TXNDC12: variants seen among roughly 807,000 people sequenced by gnomAD.
The protein encoded by TXNDC12 is thioredoxin domain containing 12.
Under a neutral mutation model 24.2 loss-of-function variants are expected in TXNDC12, and 22 were observed. The observed-to-expected ratio is 0.91, with a 90% confidence interval of 0.65 to 1.30. TXNDC12 has a LOEUF of 1.30. Among genes scored for constraint, TXNDC12 ranks in the 50% most tolerant of loss-of-function variants. TXNDC12 has a pLI of 0.00. For missense variants in TXNDC12, 184 were observed against 205.8 expected (o/e 0.89, Z 0.65); for synonymous variants, 58 against 73.4 (o/e 0.79, Z 1.07).
chr1:52,040,859 C>T (rs1051722128), intron 2 of TXNDC12, among the ~76,000 whole-genome samples: 14 of 150,914 alleles, frequency 9.3e-5, no homozygotes, highest in African/African-American at 2.2e-4. Context: ...GGTGAAACCC[C>T]GTCTCTACTA....
chr1:52,032,524 C>T, intron 2 of TXNDC12: 1 of 1,383,528 alleles, frequency 7.2e-7, no homozygotes, highest in Non-Finnish European at 9.3e-7. Flanking sequence ...TGAACTTATG[C>T]TGTAAACCCA....
intron 6 of TXNDC12, among the ~76,000 whole-genome samples, chr1:52,022,635 GTTTT>G (rs1188645759): frequency 9.3e-5 from 11 of 118,586 alleles, no homozygotes; most frequent in South Asian, 5.7e-4. Flanking sequence ...GGTTTTTTTG[GTTTT>G]TTTTTTTTTT....
At chr1:52,037,535 T>C (rs1685907234) in intron 2 of TXNDC12, among the ~76,000 whole-genome samples, 1 of 152,094 alleles carries the variant, frequency 6.6e-6, no homozygotes, top group Non-Finnish European at 1.5e-5. Context: ...TAATTTGCCT[T>C]TGGTGCTGAA....
intron 1 of TXNDC12, among the ~76,000 whole-genome samples, chr1:52,045,718 C>A (rs1686078572): frequency 6.6e-6 from 1 of 152,122 alleles, no homozygotes; most frequent in African/African-American, 2.4e-5. Context: ...AAACTAGGGA[C>A]TTTGGTTAAT....
chr1:52,021,914 G>C (rs1685602225), intron 6 of TXNDC12, among the ~76,000 whole-genome samples: 1 of 152,182 alleles, frequency 6.6e-6, no homozygotes, highest in African/African-American at 2.4e-5. Flanking sequence ...ATTCAGGGAA[G>C]GGTCTCATGT....
intron 2 of TXNDC12, among the ~76,000 whole-genome samples, chr1:52,031,908 A>C (rs1297937591): frequency 1.3e-5 from 2 of 152,226 alleles, no homozygotes. Flanking sequence ...GCTTACAATG[A>C]TATTTGCCTT....
chr1:52,039,936 T>A (rs1218871138), intron 2 of TXNDC12, among the ~76,000 whole-genome samples: 1 of 151,986 alleles, frequency 6.6e-6, no homozygotes, highest in Non-Finnish European at 1.5e-5. Context: ...TTTTATTTTT[T>A]ATTTTTGTTT....
At position 52,020,425 on chromosome 1, in the gene TXNDC12, GA is replaced by G; in HGVS notation, c.*507del. ...ACAATTATTCCCAGGAGAAAAAAGGGAAAAAACAGGCTGATATCCTTGGTAG... is the reference window on the plus strand; with the variant it reads ...ACAATTATTCCCAGGAGAAAAAAGGGAAAAACAGGCTGATATCCTTGGTAG... On this transcript the variant is annotated 3_prime_UTR_variant, in exon 7 of 7. Transcript: ENST00000371626. The G allele has an allele frequency of 3.9e-6, 1 of 258,594 alleles. No homozygotes were observed. 16.0% of individuals were successfully genotyped at this position (258,594 alleles called of 1,614,324 possible). A position where few individuals can be genotyped will look rare whatever the true frequency, so the allele number is the denominator to read the frequency against.
intron 6 of TXNDC12, among the ~76,000 whole-genome samples, chr1:52,022,478 A>G (rs554196235): frequency 6.6e-6 from 1 of 152,154 alleles, no homozygotes; most frequent in East Asian, 1.9e-4. Context: ...TCTAAGGCTT[A>G]ATCCAGTCAT....
intron 1 of TXNDC12, among the ~76,000 whole-genome samples, chr1:52,045,092 T>G (rs1686066290): frequency 6.6e-6 from 1 of 151,370 alleles, no homozygotes; most frequent in African/African-American, 2.4e-5. Context: ...AGGAAAGGAG[T>G]AATCAAGCCA....
In TXNDC12 at chr1:52,055,142, G is replaced by T; in HGVS notation, c.-46C>A. ...ACGGGGCTGAGCGGACGCAGGGCCG[G>T]AGTCCCAGCAGACGGTCCACACAGT... On this transcript the variant is annotated 5_prime_UTR_variant, in exon 1 of 7. Transcript: ENST00000371626. The T allele has an allele frequency of 7.3e-7, 1 of 1,369,558 alleles. No individual in the cohort carries two copies. Among genetic ancestry groups the T allele is most frequent in the South Asian group, 1.2e-5 (1 of 85,902 alleles). 84.8% of individuals were successfully genotyped at this position (1,369,558 alleles called of 1,614,324 possible).
At chr1:52,049,693 T>C (rs1294780696) in intron 1 of TXNDC12, among the ~76,000 whole-genome samples, 26 of 151,776 alleles carry the variant, frequency 1.7e-4, no homozygotes, top group Non-Finnish European at 2.9e-5. Flanking sequence ...CACCACTTAT[T>C]AAGCAATTGC....
chr1:52,055,870 T>C (rs1381115284), upstream of TXNDC12: 1 of 152,210 alleles, frequency 6.6e-6, no homozygotes, highest in Non-Finnish European at 1.5e-5. Context: ...CAGGCTAAAG[T>C]GTAAAGCTTC....
intron 1 of TXNDC12, among the ~76,000 whole-genome samples, chr1:52,044,771 C>T (rs1229434513): frequency 1.3e-5 from 2 of 151,970 alleles, no homozygotes; most frequent in Non-Finnish European, 2.9e-5. Flanking sequence ...CTCAGGAGTT[C>T]GAGACCATCC....
intron 2 of TXNDC12, 134 bp downstream of exon 2, chr1:52,041,403 A>T: frequency 1.9e-6 from 1 of 532,104 alleles, no homozygotes; most frequent in Admixed American, 3.3e-5. Flanking sequence ...AGCCATTATT[A>T]TTGCTGTTGT....
At chr1:52,027,968 G>A (rs1685697981) in intron 3 of TXNDC12, among the ~76,000 whole-genome samples, 1 of 151,894 alleles carries the variant, frequency 6.6e-6, no homozygotes, top group Non-Finnish European at 1.5e-5. Flanking sequence ...TAGGATTACA[G>A]GCGCGTGCCA....
At chr1:52,033,645 A>C (rs776018129) in intron 2 of TXNDC12, 1 of 1,611,598 alleles carries the variant, frequency 6.2e-7, no homozygotes, top group Admixed American at 1.7e-5. Flanking sequence ...CGCCCAGGAC[A>C]GCTGCGTCGT....
chr1:52,039,815 T>C (rs1271206415), intron 2 of TXNDC12, among the ~76,000 whole-genome samples: 1 of 152,270 alleles, frequency 6.6e-6, no homozygotes. Context: ...TATGCAGTTA[T>C]GATTTAATAT....
chr1:52,054,107 G>T (rs1268018925), intron 1 of TXNDC12, among the ~76,000 whole-genome samples: 3 of 151,930 alleles, frequency 2.0e-5, no homozygotes, highest in Non-Finnish European at 4.4e-5. Context: ...CAGGCAAAAT[G>T]AATGCCCACC....
Sources: gnomAD v4.1 joint callset for allele counts (sites outside exome capture counted in the v4.1 genomes callset) on GRCh38, gnomAD v4.1.1 for gene constraint, MANE v1.5 for transcripts, NCBI Gene and HGNC (gene_info 2026-07-23, HGNC 2026-07-21) for gene names.